Variants in ERG observed in about 807,000 individuals in gnomAD.
The protein encoded by ERG is ETS transcription factor ERG.
In ERG, 9 loss-of-function variants were observed where a neutral mutation model predicts 55.3. The ratio of observed to expected loss-of-function variants is 0.16; its 90% CI spans 0.10 to 0.28. The LOEUF is 0.28. Ranked by LOEUF, ERG falls within the 10% of genes least tolerant of loss-of-function variation. ERG has a pLI of 1.00. For synonymous variants in ERG, 223 were observed against 237.3 expected (o/e 0.94, Z 0.55); for missense variants, 434 against 631.6 (o/e 0.69, Z 3.35).
chr21:38,553,429 A>G (rs2059837146), intron 2 of ERG, among the ~76,000 whole-genome samples: 2 of 152,208 alleles, frequency 1.3e-5, no homozygotes, highest in Admixed American at 6.5e-5. Flanking sequence ...CCTAGCTTCA[A>G]ACTATGCCAT....
chr21:38,632,843 A>C (rs989802804), intron 1 of ERG, among the ~76,000 whole-genome samples: 1 of 152,084 alleles, frequency 6.6e-6, no homozygotes, highest in Non-Finnish European at 1.5e-5. Flanking sequence ...AGGGTCCTCA[A>C]AAATTAAAAC....
chr21:38,527,330 C>T (rs562136637), intron 2 of ERG, among the ~76,000 whole-genome samples: 5 of 152,276 alleles, frequency 3.3e-5, no homozygotes, highest in Admixed American at 2.0e-4. Context: ...GAAATGGAAA[C>T]GTATGTGCTA....
intron 1 of ERG, among the ~76,000 whole-genome samples, chr21:38,468,915 G>A (rs2059113926): frequency 6.7e-6 from 1 of 149,292 alleles, no homozygotes; most frequent in Non-Finnish European, 1.5e-5. Flanking sequence ...AACCCGGGAG[G>A]CGGAGCTTGC....
chr21:38,625,352 T>C (rs1394181628), intron 1 of ERG, among the ~76,000 whole-genome samples: 1 of 144,824 alleles, frequency 6.9e-6, no homozygotes, highest in East Asian at 1.9e-4. Flanking sequence ...CATTAGTTTG[T>C]TTTTTTTTAA....
the ERG span, among the ~76,000 whole-genome samples, chr21:38,374,589 A>G: frequency 1.3e-5 from 2 of 152,198 alleles, no homozygotes; most frequent in African/African-American, 4.8e-5. Flanking sequence ...CTATTACCGA[A>G]GTTATGCAAA....
intron 3 of ERG, among the ~76,000 whole-genome samples, chr21:38,412,856 G>A (rs943082136): frequency 2.0e-5 from 3 of 152,094 alleles, no homozygotes; most frequent in Non-Finnish European, 2.9e-5. Context: ...CATCTTTAGC[G>A]GGTCTCTATC....
chr21:38,485,572 C>T (rs2059276463), intron 1 of ERG, among the ~76,000 whole-genome samples: 1 of 150,556 alleles, frequency 6.6e-6, no homozygotes, highest in East Asian at 2.0e-4. Context: ...GGATTCTCCT[C>T]CCTCCGCCTC....
intron 3 of ERG, among the ~76,000 whole-genome samples, chr21:38,405,869 C>G (rs1275766198): frequency 6.6e-6 from 1 of 152,086 alleles, no homozygotes; most frequent in Non-Finnish European, 1.5e-5. Flanking sequence ...AATCAGTGCA[C>G]AGGCCAGGCG....
rs1987419802 is a variant in ERG, at chr21:38,381,217, A to G, written c.*2186T>C. ...AGCAAAAGGACTGCAACGTGAAAAA[A>G]ACAGGCCCTGAAACAGCTATGAAAA... is the stretch of plus-strand genomic sequence containing the variant. On this transcript the variant is annotated 3_prime_UTR_variant, in exon 10 of 10. Coordinates refer to ENST00000288319, the MANE Select transcript of ERG (RefSeq NM_182918.4). The G allele has an allele frequency of 9.4e-7, 1 of 1,065,372 alleles. No homozygotes were observed. Among genetic ancestry groups the G allele is most frequent in the Non-Finnish European group, 1.1e-6 (1 of 879,286 alleles). The allele number at this position is 1,065,372 out of a possible 1,614,324, so 66.0% of individuals were successfully genotyped here. A position where few individuals can be genotyped will look rare whatever the true frequency, so the allele number is the denominator to read the frequency against.
upstream of ERG, among the ~76,000 whole-genome samples, chr21:38,585,935 T>C (rs1014472799): frequency 6.7e-6 from 1 of 150,348 alleles, no homozygotes; most frequent in Non-Finnish European, 1.5e-5. Flanking sequence ...GTACATAATA[T>C]CATCCCAATA....
At chr21:38,467,697 CAGTA>C (rs1481880231) in intron 1 of ERG, among the ~76,000 whole-genome samples, 1 of 152,148 alleles carries the variant, frequency 6.6e-6, no homozygotes, top group Non-Finnish European at 1.5e-5. Flanking sequence ...CTTCCAGTAA[CAGTA>C]AGTATTTGTA....
At chr21:38,536,326 G>A (rs1042398333) in intron 2 of ERG, among the ~76,000 whole-genome samples, 2 of 151,974 alleles carry the variant, frequency 1.3e-5, no homozygotes, top group African/African-American at 2.4e-5. Flanking sequence ...AAGCCATTTG[G>A]GAAAACAGCC....
chr21:38,647,070 G>T (rs959111947), intron 1 of ERG, among the ~76,000 whole-genome samples: 13 of 152,152 alleles, frequency 8.5e-5, no homozygotes, highest in African/African-American at 3.1e-4. Flanking sequence ...TAAGTACCGT[G>T]TCACCTTCTC....
At chr21:38,473,895 TAA>T (rs1268688016) in intron 1 of ERG, 1 of 147,144 alleles carries the variant, frequency 6.8e-6, no homozygotes, top group Non-Finnish European at 1.5e-5. Context: ...TATGTGTGTG[TAA>T]GTGTTGTATA....
upstream of ERG, among the ~76,000 whole-genome samples, chr21:38,499,731 A>G (rs901680541): frequency 6.6e-6 from 1 of 150,708 alleles, no homozygotes; most frequent in African/African-American, 2.4e-5. Flanking sequence ...ATAAGGGGGG[A>G]AAGGGAGAGG....
chr21:38,382,254 G>C lies in ERG; in HGVS notation c.*1149C>G. On this transcript the variant is annotated 3_prime_UTR_variant, in exon 10 of 10. Transcript: ENST00000288319. ...TAAAAAGGGGGAAAAACATTGACTTGTATACTTCATTCTGACAAACGCACA... is the reference window on the plus strand; with the variant it reads ...TAAAAAGGGGGAAAAACATTGACTTCTATACTTCATTCTGACAAACGCACA... 6 of 1,050,820 alleles carry C rather than the reference G, an allele frequency of 5.7e-6. No homozygotes were observed. The highest frequency in any genetic ancestry group is 4.6e-5 in the South Asian group (1 of 21,846). 65.1% of individuals were successfully genotyped at this position (1,050,820 alleles called of 1,614,324 possible). A position where few individuals can be genotyped will look rare whatever the true frequency, so the allele number is the denominator to read the frequency against.
chr21:38,524,192 T>C (rs889170368), intron 2 of ERG, among the ~76,000 whole-genome samples: 2 of 152,174 alleles, frequency 1.3e-5, no homozygotes, highest in African/African-American at 4.8e-5. Context: ...GGAAGGGGTA[T>C]GGAATGCACT....
chr21:38,553,649 G>A (rs1207969159), intron 2 of ERG, among the ~76,000 whole-genome samples: 1 of 152,144 alleles, frequency 6.6e-6, no homozygotes, highest in African/African-American at 2.4e-5. Flanking sequence ...ATTGAAACTA[G>A]ACTCTTTCAT....
intron 1 of ERG, among the ~76,000 whole-genome samples, chr21:38,483,390 A>G (rs1004382537): frequency 2.0e-5 from 3 of 152,190 alleles, no homozygotes; most frequent in Admixed American, 6.5e-5. Flanking sequence ...ATATCAAAAC[A>G]TCATGTTGTA....
Sources: allele counts gnomAD v4.1 joint callset (sites outside exome capture counted in the v4.1 genomes callset), GRCh38; gene constraint gnomAD v4.1.1; transcripts MANE v1.5; gene names NCBI Gene and HGNC (gene_info 2026-07-23, HGNC 2026-07-21).